Variants in DLG2 observed in about 807,000 individuals in gnomAD.
The protein encoded by DLG2 is disks large homolog 2.
DLG2 carries 45 observed loss-of-function variants against 132.5 expected under a neutral mutation model. That is an observed-to-expected ratio of 0.34 (90% CI 0.27 to 0.44). DLG2 has a LOEUF of 0.44. DLG2 is among the 20% of genes least tolerant of loss of function. The probability of loss-of-function intolerance (pLI) is 1.00; values close to 1 mark genes in which losing one functional copy is unlikely to be tolerated. For synonymous variants in DLG2, 424 were observed against 419.6 expected (o/e 1.01, Z -0.13); for missense variants, 1,045 against 1,196.9 (o/e 0.87, Z 1.87).
intron 6 of DLG2, among the ~76,000 whole-genome samples, chr11:84,998,080 C>T (rs2057838748): frequency 6.6e-6 from 1 of 151,912 alleles, no homozygotes; most frequent in Non-Finnish European, 1.5e-5. Context: ...TATGGTACCT[C>T]ATATTTGCTG....
At chr11:83,764,243 T>A (rs549848278) in intron 18 of DLG2, among the ~76,000 whole-genome samples, 1 of 152,016 alleles carries the variant, frequency 6.6e-6, no homozygotes, top group South Asian at 2.1e-4. Flanking sequence ...GTGGGAGTGA[T>A]TGTGGAGGGA....
rs564404408 is a variant in DLG2, at chr11:84,303,615, A to C, written c.520-52324T>G. Among the ~76,000 whole-genome samples, 5 of 152,344 alleles carry C rather than the reference A, an allele frequency of 3.3e-5. No individual in the cohort carries two copies. The South Asian group carries it at 1.0e-3, about 32-fold the overall frequency. On this transcript the variant is annotated intron_variant, in intron 7 of 27. Transcript: ENST00000376104. ...TTTTTGTCCGATTTCCTCTCAAACT[A>C]TAGTACTCTACCTTTCATCACTGAA...
At chr11:84,001,291 C>T (rs574738085) in intron 11 of DLG2, among the ~76,000 whole-genome samples, 1 of 146,912 alleles carries the variant, frequency 6.8e-6, no homozygotes, top group African/African-American at 2.5e-5. Context: ...GTAAGAGTAG[C>T]GATCCTTATA....
chr11:84,051,767 G>A (rs2096388805), intron 11 of DLG2, among the ~76,000 whole-genome samples: 1 of 150,400 alleles, frequency 6.6e-6, no homozygotes, highest in South Asian at 2.1e-4. Context: ...AAAACTTAAA[G>A]TATAATATAA....
At chr11:85,502,855 T>C (rs1184737022) in intron 3 of DLG2, among the ~76,000 whole-genome samples, 1 of 152,138 alleles carries the variant, frequency 6.6e-6, no homozygotes, top group African/African-American at 2.4e-5. Context: ...AACTCATGTG[T>C]ACCTGGATAC....
intron 9 of DLG2, among the ~76,000 whole-genome samples, chr11:84,121,675 C>T (rs1408657511): frequency 6.7e-6 from 1 of 148,554 alleles, no homozygotes; most frequent in East Asian, 2.1e-4. Context: ...CATTCTCCTG[C>T]CTCAGCCTCC....
chr11:83,947,014 T>G (rs1010575251), intron 14 of DLG2, among the ~76,000 whole-genome samples: 2 of 152,200 alleles, frequency 1.3e-5, no homozygotes, highest in African/African-American at 2.4e-5. Flanking sequence ...CGACAGTATA[T>G]GATCGAAACT....
At chr11:84,771,765 A>G (rs1267598441) in intron 6 of DLG2, among the ~76,000 whole-genome samples, 1 of 152,210 alleles carries the variant, frequency 6.6e-6, no homozygotes, top group African/African-American at 2.4e-5. Context: ...TAACAACTTT[A>G]TGACAGGATC....
chr11:84,132,745 A>G (rs574721838), intron 9 of DLG2, among the ~76,000 whole-genome samples: 38 of 152,042 alleles, frequency 2.5e-4, no homozygotes, highest in Non-Finnish European at 4.9e-4. Flanking sequence ...TGAGAGAACA[A>G]TAACAGGGGA....
chr11:84,716,724 G>A lies in DLG2; in HGVS notation c.358-181993C>T, dbSNP rs1368186199. Among the ~76,000 whole-genome samples, 5 of 151,400 alleles carry A rather than the reference G, an allele frequency of 3.3e-5. No individual in the cohort carries two copies. The South Asian group carries it at 1.0e-3, about 32-fold the overall frequency. On this transcript the variant is annotated intron_variant, in intron 6 of 27. Coordinates refer to ENST00000376104, the MANE Select transcript of DLG2 (RefSeq NM_001142699.3). The stretch of plus-strand genomic sequence containing the variant: ...GACAGGGGCAAAAAAAAAAAAAAAG[G>A]TAGGGGGGAACTGATATAATAGAAA...
At chr11:83,946,661 G>T (rs1377868737) in intron 14 of DLG2, among the ~76,000 whole-genome samples, 5 of 152,162 alleles carry the variant, frequency 3.3e-5, no homozygotes, top group Non-Finnish European at 7.4e-5. Context: ...GTTAATATTT[G>T]TAGAGTGTAA....
rs555791538 is a variant in DLG2, at chr11:85,145,659, G to T, written c.282+8897C>A. On this transcript the variant is annotated intron_variant, in intron 5 of 27. Transcript: ENST00000376104. ...TGACAATAGAAATTTTTCAGCTGCAGAACTTCTGCTTGATTATTTAAAAAA... is the reference window on the plus strand; with the variant it reads ...TGACAATAGAAATTTTTCAGCTGCATAACTTCTGCTTGATTATTTAAAAAA... 9.9e-5 allele frequency among the ~76,000 whole-genome samples: 15 copies of T among 152,048 alleles called. No individual in the cohort carries two copies. In the South Asian group the frequency reaches 2.9e-3, roughly 29 times the overall value.
intron 7 of DLG2, among the ~76,000 whole-genome samples, chr11:84,257,853 A>G (rs1357941208): frequency 6.6e-6 from 1 of 151,566 alleles, no homozygotes; most frequent in Non-Finnish European, 1.5e-5. Context: ...TGCCTGGCTA[A>G]TTTTTGTATT....
chr11:84,326,537 C>A (rs61899214), intron 7 of DLG2, among the ~76,000 whole-genome samples: 34,076 of 151,996 alleles, frequency 0.22, 3,945 homozygotes, highest in East Asian at 0.31. Context: ...TTTCCAATTT[C>A]TCTTCAGCCA....
At chr11:83,641,055 A>G (rs1190595180) in intron 18 of DLG2, among the ~76,000 whole-genome samples, 1 of 152,194 alleles carries the variant, frequency 6.6e-6, no homozygotes, top group Non-Finnish European at 1.5e-5. Flanking sequence ...AATATCCAAG[A>G]GAGTGTAATT....
At chr11:84,453,956 G>T (rs921145739) in intron 7 of DLG2, among the ~76,000 whole-genome samples, 4 of 151,524 alleles carry the variant, frequency 2.6e-5, no homozygotes, top group African/African-American at 9.7e-5. Flanking sequence ...GTTTTCTTTG[G>T]TATTTGGTGC....
intron 3 of DLG2, among the ~76,000 whole-genome samples, chr11:85,454,136 T>C (rs2092343019): frequency 6.6e-6 from 1 of 151,108 alleles, no homozygotes; most frequent in Non-Finnish European, 1.5e-5. Flanking sequence ...GGCATATATG[T>C]ACCACATTTT....
chr11:84,235,328 G>A (rs148549100), intron 8 of DLG2, among the ~76,000 whole-genome samples: 1 of 152,246 alleles, frequency 6.6e-6, no homozygotes, highest in African/African-American at 2.4e-5. Context: ...CTGTATCGAG[G>A]GCCGTAGGTT....
At position 83,936,298 on chromosome 11, in the gene DLG2, T is replaced by A. The variant is rs1049001327; in HGVS notation, c.1341-5815A>T. Among the ~76,000 whole-genome samples the A allele has an allele frequency of 2.0e-5, 3 of 152,304 alleles. No homozygotes were observed. The East Asian group carries it at 5.8e-4, about 29-fold the overall frequency. On this transcript the variant is annotated intron_variant, in intron 14 of 27. Coordinates refer to ENST00000376104, the MANE Select transcript of DLG2 (RefSeq NM_001142699.3). ...CTCTGTATATTTAAAAGGTAATTGA[T>A]CCTCTTTAATAGCCCTGGAGGTTGA...
Sources: allele counts gnomAD v4.1 joint callset (sites outside exome capture counted in the v4.1 genomes callset), GRCh38; gene constraint gnomAD v4.1.1; transcripts MANE v1.5; gene names NCBI Gene and HGNC (gene_info 2026-07-23, HGNC 2026-07-21).